POFUT1: variants seen among roughly 807,000 people sequenced by gnomAD.
POFUT1 encodes the protein protein O-fucosyltransferase 1.
A neutral mutation model predicts 42.4 loss-of-function variants in POFUT1; 16 were observed. That is an observed-to-expected ratio of 0.38 (90% CI 0.26 to 0.57). The LOEUF is 0.57. POFUT1 is among the 20% of genes least tolerant of loss of function. POFUT1 has a pLI of 0.71. For synonymous variants in POFUT1, 206 were observed against 205.4 expected, an observed-to-expected ratio of 1.00 and a Z score of -0.03; for missense variants, 470 against 504.6, an observed-to-expected ratio of 0.93 and a Z score of 0.66.
At position 32,210,030 on chromosome 20, in the gene POFUT1, AT is replaced by A. The variant is rs753456199; in HGVS notation, c.125-40del. Reference sequence around the variant, plus strand: ...GAGCCCTGCATGCTCTATGCCCTCCATGCCCCAGGCCTCACCTCACCCGCAA... The same window carrying A: ...GAGCCCTGCATGCTCTATGCCCTCCAGCCCCAGGCCTCACCTCACCCGCAA... On this transcript the variant is annotated intron_variant, in intron 1 of 6. Transcript: ENST00000375749. The A allele has an allele frequency of 1.5e-5, 25 of 1,613,652 alleles. 1 individual carries two copies. In the African/African-American group the frequency reaches 2.5e-4, roughly 16 times the overall value.
At chr20:32,216,114 G>C (rs2047358742) in intron 3 of POFUT1, among the ~76,000 whole-genome samples, 1 of 152,174 alleles carries the variant, frequency 6.6e-6, no homozygotes, top group Non-Finnish European at 1.5e-5. Context: ...ATGTCTTTCG[G>C]TGTATGTGCT....
chr20:32,208,906 C>G (rs1178650948), intron 1 of POFUT1, among the ~76,000 whole-genome samples: 1 of 152,102 alleles, frequency 6.6e-6, no homozygotes, highest in African/African-American at 2.4e-5. Context: ...ATGATGAATA[C>G]TAAGGGAAAA....
chr20:32,222,098 G>A (rs2047393736), intron 4 of POFUT1, among the ~76,000 whole-genome samples: 1 of 152,030 alleles, frequency 6.6e-6, no homozygotes, highest in Non-Finnish European at 1.5e-5. Flanking sequence ...AGGAGTTCAA[G>A]ACCAACCTGG....
At position 32,237,812 on chromosome 20, in the gene POFUT1, G is replaced by A. The variant is rs1277109615; in HGVS notation, c.*3151G>A. 1 of 534,620 alleles carries A rather than the reference G, an allele frequency of 1.9e-6. No individual in the cohort carries two copies. The highest frequency in any genetic ancestry group is 1.4e-5 in the South Asian group (1 of 71,558). The allele number at this position is 534,620 out of a possible 1,614,324, so 33.1% of individuals were successfully genotyped here. On this transcript the variant is annotated 3_prime_UTR_variant, in exon 7 of 7. Transcript: ENST00000375749. ...TGCAGGCGAGAGACTGGGGTGCTGG[G>A]CTCCCCTAGACTAGGACTCCAGTGC... is the stretch of plus-strand genomic sequence containing the variant.
At chr20:32,231,705 C>G (rs929156611) in intron 6 of POFUT1, among the ~76,000 whole-genome samples, 2 of 152,176 alleles carry the variant, frequency 1.3e-5, no homozygotes, top group African/African-American at 2.4e-5. Flanking sequence ...TAGTACCTAT[C>G]TCATAGGGCA....
chr20:32,228,506 A>G, intron 5 of POFUT1, 51 bp downstream of exon 5: 2 of 1,542,734 alleles, frequency 1.3e-6, no homozygotes, highest in African/African-American at 1.4e-5. Context: ...GTCCCTGAGC[A>G]TGGCCCTGGC....
rs1160770951 is a variant in POFUT1 at position 32,213,770 on chromosome 20, C to CA, written c.247-1490dup. 5.3e-5 allele frequency among the ~76,000 whole-genome samples: 8 copies of CA among 150,532 alleles called. No individual in the cohort carries two copies. The East Asian group carries it at 9.7e-4, about 18-fold the overall frequency. On this transcript the variant is annotated intron_variant, in intron 2 of 6. Coordinates refer to ENST00000375749, the MANE Select transcript of POFUT1 (RefSeq NM_015352.2). ...TGGGTGACAGGGTGAGACTCCATCT[C>CA]AAAAAAAAAGAAAATTACACAGATG...
rs915491528 is a variant in POFUT1 at position 32,231,177 on chromosome 20, A to C, written c.978+116A>C. 4 of 1,139,668 alleles carry C rather than the reference A, an allele frequency of 3.5e-6. No individual in the cohort carries two copies. The African/African-American group carries it at 6.1e-5, about 17-fold the overall frequency. 70.6% of individuals were successfully genotyped at this position (1,139,668 alleles called of 1,614,324 possible). ...CCCTACAAGCCTTTTGCCTGGACCTACCATTCCTCTTCAGTTCCTACCCTC... is the reference window on the plus strand; with the variant it reads ...CCCTACAAGCCTTTTGCCTGGACCTCCCATTCCTCTTCAGTTCCTACCCTC... On this transcript the variant is annotated intron_variant, in intron 6 of 6. Transcript: ENST00000375749.
At chr20:32,222,638 C>T (rs2047396509) in intron 4 of POFUT1, 8 of 985,392 alleles carry the variant, frequency 8.1e-6, no homozygotes, top group Non-Finnish European at 8.4e-6. Flanking sequence ...TTTAGGCTGC[C>T]ACGTATCCAG....
chr20:32,226,969 C>G (rs1254333280), intron 4 of POFUT1, among the ~76,000 whole-genome samples: 1 of 152,084 alleles, frequency 6.6e-6, no homozygotes, highest in Non-Finnish European at 1.5e-5. Context: ...CCTAAGAGTA[C>G]AATTGCTGGG....
intron 4 of POFUT1, among the ~76,000 whole-genome samples, chr20:32,227,276 G>A (rs2047419364): frequency 6.6e-6 from 1 of 152,166 alleles, no homozygotes; most frequent in African/African-American, 2.4e-5. Flanking sequence ...CCCAACACTG[G>A]GAGGCCTAAG....
At chr20:32,227,362 T>A (rs889266443) in intron 4 of POFUT1, among the ~76,000 whole-genome samples, 3 of 151,618 alleles carry the variant, frequency 2.0e-5, no homozygotes, top group East Asian at 1.9e-4. Flanking sequence ...ACAAAAAAAA[T>A]GTAAAAAATT....
chr20:32,217,680 A>G (rs1201708267), intron 4 of POFUT1: 1 of 985,560 alleles, frequency 1.0e-6, no homozygotes. Flanking sequence ...CTCGTAGTGC[A>G]TGAAGTGCAT....
In POFUT1 at chr20:32,238,544, A is replaced by G. The variant is rs2122615024; in HGVS notation, c.*3883A>G. The G allele has an allele frequency of 6.6e-6, 1 of 152,310 alleles. No individual in the cohort carries two copies. The highest frequency in any genetic ancestry group is 1.9e-4 in the East Asian group (1 of 5,190). The allele number at this position is 152,310 out of a possible 1,614,324, so 9.4% of individuals were successfully genotyped here. ...GCAAAAAAAAAAAGTTGTTTAAGAT[A>G]AATTCCCAGAAGTGAATTTGTTAGA... On this transcript the variant is annotated 3_prime_UTR_variant, in exon 7 of 7. Transcript: ENST00000375749.
chr20:32,214,685 T>C (rs148361955), intron 2 of POFUT1, among the ~76,000 whole-genome samples: 31 of 152,358 alleles, frequency 2.0e-4, no homozygotes, highest in Middle Eastern at 6.8e-3. Flanking sequence ...GTGAATTGTT[T>C]ACCCCTAACC....
chr20:32,231,085 G>T, intron 6 of POFUT1, 24 bp downstream of exon 6: 1 of 1,613,384 alleles, frequency 6.2e-7, no homozygotes, highest in Non-Finnish European at 8.5e-7. Flanking sequence ...AAGTGGGAGT[G>T]CAGTAGGAAG....
Position 32,216,617 on chromosome 20 carries a change from C to G in POFUT1, c.438C>G (p.Asn146Lys). ...DKKTCPMKEG[N>K]PFGPFWDQFH... ...CCACTCTCTTTCTGCAGGAAGGAAA[C>G]CCCTTTGGCCCATTCTGGGATCAGT... Residue 146 changes from asparagine to lysine, a missense_variant, in exon 4 of 7, where the codon AAC (asparagine) becomes AAG (lysine). By Grantham distance (94) the Asn-to-Lys change is moderately conservative (BLOSUM62 0). Transcript: ENST00000375749. 6.2e-7 allele frequency: 1 copy of G among 1,610,234 alleles called. No individual in the cohort carries two copies. The highest frequency in any genetic ancestry group is 8.5e-7 in the Non-Finnish European group (1 of 1,176,494).
intron 4 of POFUT1, chr20:32,223,803 T>A: frequency 1.7e-6 from 1 of 588,508 alleles, no homozygotes; most frequent in Non-Finnish European, 2.1e-6. Flanking sequence ...CAGACTCAGC[T>A]CATTGTCAAG....
chr20:32,220,214 T>C (rs1364389489), intron 4 of POFUT1, among the ~76,000 whole-genome samples: 1 of 152,260 alleles, frequency 6.6e-6, no homozygotes, highest in East Asian at 1.9e-4. Flanking sequence ...TCTTCATCTA[T>C]TGATGGACAC....
Sources: allele counts gnomAD v4.1 joint callset (sites outside exome capture counted in the v4.1 genomes callset), GRCh38; gene constraint gnomAD v4.1.1; transcripts MANE v1.5; gene names NCBI Gene and HGNC (gene_info 2026-07-23, HGNC 2026-07-21).